SNTG1: variants seen among roughly 807,000 people sequenced by gnomAD.
SNTG1 encodes gamma-1-syntrophin.
SNTG1 carries 39 observed loss-of-function variants against 74.7 expected under a neutral mutation model. The observed-to-expected ratio is 0.52, with a 90% CI of 0.40 to 0.68. The LOEUF (loss-of-function observed/expected upper bound fraction) is 0.68, where lower values mean the gene tolerates loss of function less well. SNTG1 is among the 30% of genes least tolerant of loss of function. SNTG1 has a pLI of 0.00. For missense variants in SNTG1, 685 were observed against 609.5 expected (o/e 1.12, Z -1.30); for synonymous variants, 254 against 217.1 (o/e 1.17, Z -1.49).
chr8:50,284,897 A>G (rs916857964), intron 2 of SNTG1, among the ~76,000 whole-genome samples: 3 of 152,160 alleles, frequency 2.0e-5, no homozygotes, highest in African/African-American at 7.2e-5. Context: ...CATTTTTGCA[A>G]AAAGCAACTT....
intron 1 of SNTG1, among the ~76,000 whole-genome samples, chr8:50,101,175 C>A (rs891588252): frequency 1.3e-5 from 2 of 152,050 alleles, no homozygotes; most frequent in African/African-American, 4.8e-5. Context: ...CTTACGCAAT[C>A]CATCATTGGT....
intron 2 of SNTG1, among the ~76,000 whole-genome samples, chr8:50,245,289 A>G (rs548483076): frequency 1.3e-5 from 2 of 152,294 alleles, no homozygotes; most frequent in African/African-American, 2.4e-5. Flanking sequence ...TTTGAGACAG[A>G]TCACCAGACT....
rs535978885 is a variant in SNTG1 at position 49,993,032 on chromosome 8, C to CT, written c.-103+80809dup. Among the ~76,000 whole-genome samples the CT allele has an allele frequency of 8.3e-4, 126 of 151,942 alleles. 1 individual carries two copies. In the South Asian group the frequency reaches 0.013, roughly 15 times the overall value. Reference sequence around the variant, plus strand: ...TAAATACCATTTACATGTTTTAAATCTTTTTTTTGTGGAAAAAACACTAGT... The same window carrying CT: ...TAAATACCATTTACATGTTTTAAATCTTTTTTTTTGTGGAAAAAACACTAGT... On this transcript the variant is annotated intron_variant, in intron 1 of 18. Coordinates refer to ENST00000642720, the MANE Select transcript of SNTG1 (RefSeq NM_018967.5).
intron 1 of SNTG1, among the ~76,000 whole-genome samples, chr8:50,006,202 C>T (rs1244029753): frequency 6.6e-6 from 1 of 152,100 alleles, no homozygotes; most frequent in East Asian, 1.9e-4. Flanking sequence ...ACCTTGTGAT[C>T]CACCGGCCTC....
chr8:50,337,050 C>G (rs989558221), intron 2 of SNTG1, among the ~76,000 whole-genome samples: 4 of 152,124 alleles, frequency 2.6e-5, no homozygotes, highest in Admixed American at 2.6e-4. Context: ...TATTGATAGT[C>G]CCCCTGGCTT....
chr8:50,111,599 T>TAAA (rs2080592850), intron 1 of SNTG1, among the ~76,000 whole-genome samples: 1 of 152,158 alleles, frequency 6.6e-6, no homozygotes, highest in Non-Finnish European at 1.5e-5. Context: ...CCACCAAGTC[T>TAAA]ATGATATTTT....
At chr8:50,319,961 G>A (rs1355693336) in intron 2 of SNTG1, among the ~76,000 whole-genome samples, 1 of 152,122 alleles carries the variant, frequency 6.6e-6, no homozygotes, top group African/African-American at 2.4e-5. Flanking sequence ...AGCAATATTG[G>A]CCTGAAGTTT....
chr8:50,248,944 G>A (rs1434497191), intron 2 of SNTG1, among the ~76,000 whole-genome samples: 1 of 152,154 alleles, frequency 6.6e-6, no homozygotes, highest in Non-Finnish European at 1.5e-5. Flanking sequence ...TGCCAAAAGA[G>A]AATGACATCA....
At position 50,010,767 on chromosome 8, in the gene SNTG1, C is replaced by A. The variant is rs375507661; in HGVS notation, c.-103+98536C>A. 7.4e-5 allele frequency among the ~76,000 whole-genome samples: 11 copies of A among 149,238 alleles called. 2 individuals carry two copies. The highest frequency in any genetic ancestry group is 7.4e-5 in the African/African-American group (3 of 40,666). On this transcript the variant is annotated intron_variant, in intron 1 of 18. Transcript: ENST00000642720. ...CTGGGTGACTATTTACCTGACATAT[C>A]CAAGGACACAGGCCTCTCTTTTTTT...
intron 2 of SNTG1, among the ~76,000 whole-genome samples, chr8:50,271,094 G>T (rs528988590): frequency 6.6e-6 from 1 of 152,160 alleles, no homozygotes; most frequent in Admixed American, 6.5e-5. Context: ...AGTGCTTTGA[G>T]ATTGCATGAT....
At chr8:50,213,957 G>T (rs1392129249) in intron 2 of SNTG1, among the ~76,000 whole-genome samples, 1 of 151,762 alleles carries the variant, frequency 6.6e-6, no homozygotes, top group Non-Finnish European at 1.5e-5. Flanking sequence ...GTCAATTTTG[G>T]CTTTTGTTGC....
At chr8:50,638,725 T>G (rs2095054309) in intron 13 of SNTG1, among the ~76,000 whole-genome samples, 1 of 152,080 alleles carries the variant, frequency 6.6e-6, no homozygotes. Flanking sequence ...CAGTAGACAT[T>G]CTTTCCAACA....
chr8:50,408,730 C>G (rs1274509108), intron 4 of SNTG1, among the ~76,000 whole-genome samples: 1 of 152,186 alleles, frequency 6.6e-6, no homozygotes, highest in Non-Finnish European at 1.5e-5. Context: ...GGTCAAAACC[C>G]AGGCGTCATG....
intron 2 of SNTG1, among the ~76,000 whole-genome samples, chr8:50,349,358 T>A (rs1198456443): frequency 1.3e-5 from 2 of 152,152 alleles, no homozygotes; most frequent in Non-Finnish European, 2.9e-5. Flanking sequence ...AGTTAGTTTT[T>A]TAATCTATAT....
intron 2 of SNTG1, among the ~76,000 whole-genome samples, chr8:50,194,302 G>C (rs2083683574): frequency 6.6e-6 from 1 of 151,976 alleles, no homozygotes; most frequent in African/African-American, 2.4e-5. Context: ...TCTGGTCCTG[G>C]ACATGTTTTG....
At chr8:50,294,969 C>G (rs1406578016) in intron 2 of SNTG1, among the ~76,000 whole-genome samples, 1 of 152,142 alleles carries the variant, frequency 6.6e-6, no homozygotes, top group Non-Finnish European at 1.5e-5. Flanking sequence ...CATCACATCT[C>G]TCTCTCAGTC....
At chr8:49,940,093 A>G (rs529045669) in intron 1 of SNTG1, among the ~76,000 whole-genome samples, 1 of 152,302 alleles carries the variant, frequency 6.6e-6, no homozygotes, top group East Asian at 1.9e-4. Flanking sequence ...AGTCTGTGAA[A>G]TTTGAGGTGC....
At chr8:50,218,116 T>C (rs1344176455) in intron 2 of SNTG1, among the ~76,000 whole-genome samples, 1 of 152,216 alleles carries the variant, frequency 6.6e-6, no homozygotes, top group Non-Finnish European at 1.5e-5. Flanking sequence ...TTTTTCATAA[T>C]AGTTAAAATT....
intron 9 of SNTG1, among the ~76,000 whole-genome samples, 187 bp downstream of exon 9, chr8:50,503,067 G>T (rs1447049486): frequency 6.6e-6 from 1 of 151,336 alleles, no homozygotes; most frequent in East Asian, 1.9e-4. Context: ...TTGAAGAATA[G>T]ATTCACCACA....
Sources: allele counts gnomAD v4.1 joint callset (sites outside exome capture counted in the v4.1 genomes callset), GRCh38; gene constraint gnomAD v4.1.1; transcripts MANE v1.5; gene names NCBI Gene and HGNC (gene_info 2026-07-23, HGNC 2026-07-21).